The following OGDHL variants were observed in gnomAD, a reference collection of about 807,000 sequenced individuals.
The protein encoded by OGDHL is oxoglutarate dehydrogenase L.
In OGDHL, 79 loss-of-function variants were observed where a neutral mutation model predicts 109.6. The observed-to-expected ratio is 0.72, with a 90% CI of 0.60 to 0.87. The LOEUF is 0.87. Ranked by LOEUF, OGDHL falls within the 40% of genes least tolerant of loss-of-function variation. The pLI is 0.00. For missense variants in OGDHL, 1,275 were observed against 1,362.2 expected (o/e 0.94, Z 1.01); for synonymous variants, 528 against 537.2 (o/e 0.98, Z 0.24).
intron 6 of OGDHL, 128 bp downstream of exon 6, chr10:49,751,699 C>G (rs932288065): frequency 8.1e-7 from 1 of 1,234,342 alleles, no homozygotes; most frequent in Non-Finnish European, 1.1e-6. Context: ...CTCCCTGCAG[C>G]CAGTGGTGAG....
intron 22 of OGDHL, 98 bp downstream of exon 22, chr10:49,735,925 G>T: frequency 1.5e-6 from 2 of 1,335,786 alleles, no homozygotes; most frequent in Admixed American, 5.4e-5. Flanking sequence ...CCAGAGAAGG[G>T]CAGGGCCAGT....
Position 49,745,812 on chromosome 10 carries a change from C to T in OGDHL, c.1462G>A (p.Val488Ile). Residue 488 changes from valine (V) to isoleucine (I), a missense_variant, in exon 11 of 23, where the codon GTT (valine) becomes ATT (isoleucine). Transcript: ENST00000374103. ...AEWRNTFNKD[V>I]VVDLVCYRRR... Reference sequence around the variant, plus strand: ...CCCAGACCCACCAGGTCCACGACAACATCTTTGTTGAAAGTGTTTCTCCAT... The same window carrying T: ...CCCAGACCCACCAGGTCCACGACAATATCTTTGTTGAAAGTGTTTCTCCAT... The T allele has an allele frequency of 6.2e-7, 1 of 1,614,194 alleles. No individual in the cohort carries two copies. The highest frequency in any genetic ancestry group is 8.5e-7 in the Non-Finnish European group (1 of 1,180,010).
At chr10:49,736,562 AGGGGCT>A (rs1217969420) in intron 20 of OGDHL, 42 bp from the exon 21 acceptor site, 1 of 1,598,322 alleles carries the variant, frequency 6.3e-7, no homozygotes, top group African/African-American at 1.3e-5. Context: ...TGGTACCCAG[AGGGGCT>A]GGGGCAGCTC....
intron 7 of OGDHL, 56 bp from the exon 8 acceptor site, chr10:49,749,872 C>T: frequency 6.8e-7 from 1 of 1,476,700 alleles, no homozygotes; most frequent in Non-Finnish European, 9.2e-7. Context: ...CTCAGGGTTC[C>T]CTCCCCCACT....
At chr10:49,735,442 T>C in intron 22 of OGDHL, 91 bp from the exon 23 acceptor site, 1 of 1,460,382 alleles carries the variant, frequency 6.8e-7, no homozygotes, top group Non-Finnish European at 9.3e-7. Context: ...GGCACGCATC[T>C]GAGAACCGCT....
At chr10:49,751,777 G>A in intron 6 of OGDHL, 50 bp downstream of exon 6, 1 of 1,594,736 alleles carries the variant, frequency 6.3e-7, no homozygotes, top group African/African-American at 1.3e-5. Flanking sequence ...ACGTCTCATA[G>A]AGCCCTGGAG....
intron 1 of OGDHL, among the ~76,000 whole-genome samples, 192 bp downstream of exon 1, chr10:49,762,047 G>C (rs952231321): frequency 1.3e-5 from 2 of 152,174 alleles, no homozygotes; most frequent in African/African-American, 4.8e-5. Context: ...TCCCGGGGGA[G>C]GCCACGGCCA....
In OGDHL at chr10:49,744,026, G is replaced by A; in HGVS notation, c.1829C>T (p.Ser610Phe). 1.2e-6 allele frequency: 2 copies of A among 1,613,540 alleles called. No individual in the cohort carries two copies. The highest frequency in any genetic ancestry group is 1.7e-6 in the Non-Finnish European group (2 of 1,179,786). Residue 610 changes from serine (S) to phenylalanine (F), a missense_variant, in exon 14 of 23, where the codon TCT becomes TTT. Ser to Phe is a radical substitution (Grantham distance 155, BLOSUM62 -2). Transcript: ENST00000374103. Reference sequence around the variant, plus strand: ...GATCTTAAAGTCCTCCAGGGGCACAGAGCTGGCCACACTGCCGATGTGGGT... The same window carrying A: ...GATCTTAAAGTCCTCCAGGGGCACAAAGCTGGCCACACTGCCGATGTGGGT... ...MLTHIGSVAS[S>F]VPLEDFKIHT...
In OGDHL at chr10:49,738,071, G is replaced by A. The variant is rs1841345372; in HGVS notation, c.2393C>T (p.Ala798Val). The A allele has an allele frequency of 6.2e-7, 1 of 1,614,170 alleles. No homozygotes were observed. The highest frequency in any genetic ancestry group is 8.5e-7 in the Non-Finnish European group (1 of 1,180,028). Residue 798 changes from alanine (A) to valine (V), a missense_variant and splice_region_variant, in exon 19 of 23, where the codon GCA becomes GTA. Physicochemically the swap from Ala to Val is moderately conservative, Grantham distance 64. Coordinates refer to ENST00000374103, the MANE Select transcript of OGDHL (RefSeq NM_018245.3). The stretch of plus-strand genomic sequence containing the variant: ...GCTCACCTCGAAGTCCTTGGTGAAT[G>A]CCTGTGGGGACGAGATGCATATGGC... Reference protein sequence around the residue: ...MSNDDSDAYPAFTKDFEVSQL... With the variant: ...MSNDDSDAYPVFTKDFEVSQL...
Position 49,752,113 on chromosome 10 carries a change from A to G in OGDHL, c.594+20T>C, listed in dbSNP as rs756263983. ...CAAAGAGCTGCTTCAGCTGCACCCC[A>G]CACACCCGCCTGTGCTCACCTCCAG... On this transcript the variant is annotated intron_variant, in intron 5 of 22. Coordinates refer to ENST00000374103, the MANE Select transcript of OGDHL (RefSeq NM_018245.3). 3 of 1,611,826 alleles carry G rather than the reference A, an allele frequency of 1.9e-6. No homozygotes were observed. The highest frequency in any genetic ancestry group is 2.5e-6 in the Non-Finnish European group (3 of 1,178,168).
intron 6 of OGDHL, 139 bp downstream of exon 6, chr10:49,751,688 C>T: frequency 1.7e-6 from 2 of 1,147,094 alleles, no homozygotes; most frequent in Non-Finnish European, 1.2e-6. Context: ...TCCCAACTCT[C>T]CTCCCTGCAG....
Position 49,745,912 on chromosome 10 carries a change from C to T in OGDHL, c.1362G>A (p.Val454=), listed in dbSNP as rs1357888287. The change falls in exon 11 of 23, where the codon GTG becomes GTA. Residue 454 remains valine, a synonymous_variant. Transcript: ENST00000374103. ...TCACATGGAAGATAGGCGCATTGAC[C>T]ACCCGGGCCACGTCGGTCGGGTATG... The part of the protein sequence containing the change: ...SSPYPTDVAR[V]VNAPIFHVNA... 6 of 1,614,090 alleles carry T rather than the reference C, an allele frequency of 3.7e-6. No homozygotes were observed. The highest frequency in any genetic ancestry group is 5.1e-6 in the Non-Finnish European group (6 of 1,180,044).
At position 49,745,263 on chromosome 10, in the gene OGDHL, T is replaced by C. The variant is rs184534664; in HGVS notation, c.1629+81A>G. On this transcript the variant is annotated intron_variant, in intron 12 of 22. Coordinates refer to ENST00000374103, the MANE Select transcript of OGDHL (RefSeq NM_018245.3). ...TCTTTAAATCCTTAGTGCCCAGCAC[T>C]GGGCTGGTAACATCTACAACCCCTC... 183 of 1,538,956 alleles carry C rather than the reference T, an allele frequency of 1.2e-4. No individual in the cohort carries two copies. In the African/African-American group the frequency reaches 2.3e-3, roughly 20 times the overall value.
intron 15 of OGDHL, among the ~76,000 whole-genome samples, chr10:49,742,065 C>T (rs1208580303): frequency 1.9e-5 from 2 of 103,476 alleles, no homozygotes; most frequent in Admixed American, 1.2e-4. Context: ...CACCACACTA[C>T]ACACCACACA....
chr10:49,746,831 G>C lies in OGDHL; in HGVS notation c.1215C>G (p.Gly405=), dbSNP rs41309395. Residue 405 remains glycine (G), a synonymous_variant, in exon 10 of 23, where the codon GGC becomes GGG. Coordinates refer to ENST00000374103, the MANE Select transcript of OGDHL (RefSeq NM_018245.3). ...TCAGGTGGAAGGTCTCATATACCAC[G>C]CCCTGGCCAGCAAAGGCGGCGTCCC... ...VHGDAAFAGQ[G]VVYETFHLSD... The C allele has an allele frequency of 6.2e-7, 1 of 1,613,936 alleles. No individual in the cohort carries two copies. The highest frequency in any genetic ancestry group is 8.5e-7 in the Non-Finnish European group (1 of 1,180,002).
chr10:49,735,462 G>A, intron 22 of OGDHL, 111 bp from the exon 23 acceptor site: 4 of 1,312,218 alleles, frequency 3.0e-6, no homozygotes, highest in Non-Finnish European at 4.2e-6. Context: ...TGACCTCGAA[G>A]CCATAGACCC....
intron 16 of OGDHL, among the ~76,000 whole-genome samples, chr10:49,740,286 AAGCCCAG>A (rs1208514736): frequency 6.6e-6 from 1 of 152,078 alleles, no homozygotes; most frequent in South Asian, 2.1e-4. Flanking sequence ...ACAGGCAGGG[AAGCCCAG>A]AGCCCAGAGA....
Position 49,752,174 on chromosome 10 carries a change from C to A in OGDHL, c.553G>T (p.Glu185Ter). 6.2e-7 allele frequency: 1 copy of A among 1,614,098 alleles called. No individual in the cohort carries two copies. Among genetic ancestry groups the A allele is most frequent in the Non-Finnish European group, 8.5e-7 (1 of 1,180,028 alleles). The change falls in exon 5 of 23, where the codon GAA (glutamate) becomes TAA (stop). Residue 185 changes from glutamate (E) to a stop codon, truncating the protein, a stop_gained. Coordinates refer to ENST00000374103, the MANE Select transcript of OGDHL (RefSeq NM_018245.3). LOFTEE classifies it high-confidence loss of function. Reference protein sequence around the residue: ...LPTTTFIGGSENTLSLREIIR... With the variant: ...LPTTTFIGGS Reference sequence around the variant, plus strand: ...ATCTCCCGCAGAGAGAGGGTGTTTTCAGAGCCCCCAATGAAGGTGGTTGTC... The same window carrying A: ...ATCTCCCGCAGAGAGAGGGTGTTTTAAGAGCCCCCAATGAAGGTGGTTGTC...
rs1164886990 is a variant in OGDHL at position 49,755,827 on chromosome 10, T to C, written c.375+949A>G. ...CCTGAACGTTTCCCTGTATTTAATA[T>C]ACAGTTTTACATCCTTGTTCTTCAT... On this transcript the variant is annotated intron_variant, in intron 3 of 22. Coordinates refer to ENST00000374103, the MANE Select transcript of OGDHL (RefSeq NM_018245.3). Among the ~76,000 whole-genome samples, 19 of 152,254 alleles carry C rather than the reference T, an allele frequency of 1.2e-4. 1 individual carries two copies. The highest frequency in any genetic ancestry group is 1.2e-3 in the Admixed American group (19 of 15,286).
Sources: allele counts gnomAD v4.1 joint callset (sites outside exome capture counted in the v4.1 genomes callset), GRCh38; gene constraint gnomAD v4.1.1; transcripts MANE v1.5; gene names NCBI Gene and HGNC (gene_info 2026-07-23, HGNC 2026-07-21).